The following CPNE8 variants were observed in gnomAD, a reference collection of about 807,000 sequenced individuals.
The protein encoded by CPNE8 is copine 8, also known as copine-8.
Under a neutral mutation model 81.5 loss-of-function variants are expected in CPNE8, and 45 were observed. That is an observed-to-expected ratio of 0.55 (90% confidence interval 0.44 to 0.71). CPNE8 has a LOEUF of 0.71. CPNE8 is among the 30% of genes least tolerant of loss of function. CPNE8 has a pLI of 0.00. For missense variants in CPNE8, 594 were observed against 672.1 expected (o/e 0.88, Z 1.28); for synonymous variants, 252 against 226.3 (o/e 1.11, Z -1.02).
rs143490216 is a variant in CPNE8 at position 38,711,468 on chromosome 12, CTTT to C, written c.915-8550_915-8548del. 3.9e-4 allele frequency among the ~76,000 whole-genome samples: 55 copies of C among 142,288 alleles called. No individual in the cohort carries two copies. The East Asian group carries it at 8.5e-3, about 22-fold the overall frequency. The allele number at this position is 142,288 out of a possible 152,430, so 93.3% of individuals were successfully genotyped here. Reference sequence around the variant, plus strand: ...ATCTCTAAGCTTTCCAAGTGTAGTTCTTTTTTTTTTTTTTTTCCAGATGGAGTT... The same window carrying C: ...ATCTCTAAGCTTTCCAAGTGTAGTTCTTTTTTTTTTTTTCCAGATGGAGTT... On this transcript the variant is annotated intron_variant, in intron 13 of 19. Transcript: ENST00000331366.
intron 14 of CPNE8, among the ~76,000 whole-genome samples, chr12:38,694,585 C>T (rs4589343): frequency 1.3e-5 from 2 of 152,184 alleles, no homozygotes; most frequent in Admixed American, 6.5e-5. Context: ...CCACAAGGTT[C>T]TGAATTTCAA....
intron 10 of CPNE8, among the ~76,000 whole-genome samples, chr12:38,739,553 C>A (rs1047731481): frequency 8.5e-5 from 13 of 152,122 alleles, no homozygotes; most frequent in Non-Finnish European, 1.5e-4. Flanking sequence ...TCCTTGCCGT[C>A]CTGCAAAAAT....
intron 4 of CPNE8, among the ~76,000 whole-genome samples, chr12:38,841,984 A>G (rs1284517846): frequency 6.6e-6 from 1 of 151,912 alleles, no homozygotes; most frequent in Admixed American, 6.6e-5. Flanking sequence ...CTGTTTACCT[A>G]CATAAATGAA....
intron 19 of CPNE8, among the ~76,000 whole-genome samples, chr12:38,664,675 A>G (rs1263222700): frequency 6.6e-6 from 1 of 152,178 alleles, no homozygotes; most frequent in African/African-American, 2.4e-5. Context: ...ACTGTGGAAC[A>G]TAAAAACTAA....
intron 14 of CPNE8, among the ~76,000 whole-genome samples, chr12:38,699,662 A>G (rs1939888657): frequency 6.6e-6 from 1 of 151,140 alleles, no homozygotes; most frequent in Non-Finnish European, 1.5e-5. Context: ...CTATTTCACC[A>G]GTACCCAGCT....
intron 1 of CPNE8, among the ~76,000 whole-genome samples, chr12:38,900,877 G>A (rs936624655): frequency 3.9e-5 from 6 of 152,134 alleles, no homozygotes; most frequent in African/African-American, 1.4e-4. Context: ...GCACCACGTA[G>A]GCACTCAACC....
At chr12:38,734,395 C>A (rs1328611040) in intron 10 of CPNE8, among the ~76,000 whole-genome samples, 1 of 152,000 alleles carries the variant, frequency 6.6e-6, no homozygotes, top group Non-Finnish European at 1.5e-5. Context: ...GTAATGCAGA[C>A]AACTATGATT....
At chr12:38,657,890 T>C (rs1454986878) in intron 19 of CPNE8, among the ~76,000 whole-genome samples, 3 of 152,028 alleles carry the variant, frequency 2.0e-5, no homozygotes, top group Non-Finnish European at 4.4e-5. Flanking sequence ...ACCACATCTA[T>C]AGGTCACCAA....
At chr12:38,834,545 C>A (rs1943350822) in intron 5 of CPNE8, among the ~76,000 whole-genome samples, 1 of 152,198 alleles carries the variant, frequency 6.6e-6, no homozygotes, top group East Asian at 1.9e-4. Context: ...CCACGTCTTA[C>A]CACTTCAATG....
At chr12:38,813,660 C>T (rs1394736041) in intron 6 of CPNE8, among the ~76,000 whole-genome samples, 1 of 152,168 alleles carries the variant, frequency 6.6e-6, no homozygotes, top group African/African-American at 2.4e-5. Flanking sequence ...GGTTAATATA[C>T]ACTGCAGGCA....
At chr12:38,723,325 G>T (rs1276025302) in intron 13 of CPNE8, among the ~76,000 whole-genome samples, 1 of 151,882 alleles carries the variant, frequency 6.6e-6, no homozygotes, top group Non-Finnish European at 1.5e-5. Flanking sequence ...TCCTGTCTGA[G>T]AGCTGTGGGA....
intron 16 of CPNE8, among the ~76,000 whole-genome samples, chr12:38,682,468 G>A (rs1939432120): frequency 6.6e-6 from 1 of 152,162 alleles, no homozygotes; most frequent in South Asian, 2.1e-4. Context: ...TGAGGCAGGA[G>A]AATTGCTTGA....
rs182157882 is a variant in CPNE8, at chr12:38,712,729, C to T, written c.915-9808G>A. On this transcript the variant is annotated intron_variant, in intron 13 of 19. Coordinates refer to ENST00000331366, the MANE Select transcript of CPNE8 (RefSeq NM_153634.3). ...TAGCTCTTTAAAAATTTTTTTCAAA[C>T]AAGTTTTAGATTTAGAGTTGAGTTT... Among the ~76,000 whole-genome samples the T allele has an allele frequency of 1.7e-3, 260 of 152,110 alleles. 1 individual carries two copies. Among genetic ancestry groups the T allele is most frequent in the African/African-American group, 6.0e-3 (248 of 41,522 alleles).
intron 3 of CPNE8, among the ~76,000 whole-genome samples, chr12:38,872,138 AC>A (rs1444439341): frequency 6.6e-6 from 1 of 151,900 alleles, no homozygotes; most frequent in African/African-American, 2.4e-5. Flanking sequence ...TCTGTCTCAA[AC>A]AAAAAAAAAA....
chr12:38,752,726 C>A (rs563007481), intron 10 of CPNE8, among the ~76,000 whole-genome samples: 22 of 152,164 alleles, frequency 1.4e-4, no homozygotes, highest in African/African-American at 5.3e-4. Flanking sequence ...CCTCTTCTAG[C>A]CATAAGATTC....
At chr12:38,677,996 T>C (rs1939330133) in intron 16 of CPNE8, among the ~76,000 whole-genome samples, 1 of 152,092 alleles carries the variant, frequency 6.6e-6, no homozygotes, top group African/African-American at 2.4e-5. Flanking sequence ...AATGAAGAAT[T>C]GCATGTATGG....
At chr12:38,717,364 A>C (rs1183579233) in intron 13 of CPNE8, among the ~76,000 whole-genome samples, 4 of 148,788 alleles carry the variant, frequency 2.7e-5, no homozygotes, top group African/African-American at 9.8e-5. Flanking sequence ...CACAATTTCT[A>C]ATTATAAATA....
chr12:38,703,281 G>A (rs1565574813), intron 13 of CPNE8, among the ~76,000 whole-genome samples: 6 of 152,080 alleles, frequency 3.9e-5, no homozygotes. Context: ...TTCCAAAATT[G>A]TTCTGTAGTA....
chr12:38,687,370 C>CTTTTTTTTTTT (rs35643732), intron 15 of CPNE8, among the ~76,000 whole-genome samples: 1 of 95,494 alleles, frequency 1.0e-5, no homozygotes, highest in Non-Finnish European at 2.1e-5. Context: ...AATGCCAAGA[C>CTTTTTTTTTTT]TTTCTTTTTT....
Sources: gnomAD v4.1 joint callset for allele counts (sites outside exome capture counted in the v4.1 genomes callset) on GRCh38, gnomAD v4.1.1 for gene constraint, MANE v1.5 for transcripts, NCBI Gene and HGNC (gene_info 2026-07-23, HGNC 2026-07-21) for gene names.